RGS22: variants seen among roughly 807,000 people sequenced by gnomAD.
RGS22 encodes the protein regulator of G protein signaling 22.
A neutral mutation model predicts 172.9 loss-of-function variants in RGS22; 148 were observed. That is an observed-to-expected ratio of 0.86 (90% CI 0.75 to 0.98). RGS22 has a LOEUF of 0.98. RGS22 is among the 50% of genes least tolerant of loss of function. The pLI is 0.00. For synonymous variants in RGS22, 458 were observed against 480.2 expected (o/e 0.95, Z 0.60); for missense variants, 1,347 against 1,440.8 (o/e 0.93, Z 1.05).
At chr8:99,967,937 C>A (rs189058915) in intron 23 of RGS22, among the ~76,000 whole-genome samples, 134 of 152,334 alleles carry the variant, frequency 8.8e-4, no homozygotes, top group Admixed American at 1.6e-3. Flanking sequence ...TTCCTGACTG[C>A]AGACACCTCC....
chr8:99,994,090 A>C (rs1180819533), intron 20 of RGS22, among the ~76,000 whole-genome samples: 3 of 152,182 alleles, frequency 2.0e-5, no homozygotes, highest in East Asian at 1.9e-4. Flanking sequence ...ACTCTCAATA[A>C]ACTAGGTATT....
At chr8:100,046,384 CATGACT>C (rs1247230288) in intron 11 of RGS22, 1 of 151,838 alleles carries the variant, frequency 6.6e-6, no homozygotes, top group African/African-American at 2.4e-5. Context: ...TCTGTCAACT[CATGACT>C]ATATGTCTTT....
chr8:100,086,994 T>C (rs867377540), intron 3 of RGS22, among the ~76,000 whole-genome samples: 2 of 152,276 alleles, frequency 1.3e-5, no homozygotes, highest in Middle Eastern at 3.4e-3. Flanking sequence ...CAGCCGTCTG[T>C]GTTTGATACC....
chr8:100,079,871 C>T (rs1563709948), intron 4 of RGS22, among the ~76,000 whole-genome samples: 2 of 152,204 alleles, frequency 1.3e-5, no homozygotes, highest in East Asian at 3.9e-4. Flanking sequence ...ATAAAGGACA[C>T]TTATATTTAT....
chr8:100,059,556 T>C (rs1240559142), intron 9 of RGS22, among the ~76,000 whole-genome samples: 1 of 151,914 alleles, frequency 6.6e-6, no homozygotes, highest in Non-Finnish European at 1.5e-5. Flanking sequence ...GGTCACTATA[T>C]AATGATAAAG....
At chr8:100,057,913 T>C (rs1030567117) in intron 9 of RGS22, among the ~76,000 whole-genome samples, 1 of 152,138 alleles carries the variant, frequency 6.6e-6, no homozygotes, top group African/African-American at 2.4e-5. Context: ...ATATGTGACC[T>C]TTCAGACAGA....
chr8:100,066,146 T>C, intron 7 of RGS22, 21 bp downstream of exon 7: 1 of 1,608,676 alleles, frequency 6.2e-7, no homozygotes, highest in Non-Finnish European at 8.5e-7. Context: ...TCTGAAGTCA[T>C]TCTTGTCCTT....
chr8:100,040,460 C>A (rs1819982161), intron 12 of RGS22, among the ~76,000 whole-genome samples: 1 of 151,942 alleles, frequency 6.6e-6, no homozygotes, highest in Admixed American at 6.6e-5. Flanking sequence ...CCTTGAAGTG[C>A]TGCTATTATA....
intron 11 of RGS22, among the ~76,000 whole-genome samples, chr8:100,042,494 G>A (rs1531371): frequency 2.0e-5 from 3 of 152,200 alleles, no homozygotes; most frequent in African/African-American, 7.2e-5. Flanking sequence ...ACAGAGGTGA[G>A]ATTCATAGGG....
intron 10 of RGS22, among the ~76,000 whole-genome samples, chr8:100,051,928 T>C (rs1471100588): frequency 1.1e-4 from 5 of 47,162 alleles, no homozygotes; most frequent in Non-Finnish European, 1.7e-4. Context: ...TATAAATGTT[T>C]ATATATATTT....
chr8:100,008,738 C>T (rs532922643), intron 14 of RGS22, among the ~76,000 whole-genome samples, 169 bp from the exon 15 acceptor site: 3 of 152,196 alleles, frequency 2.0e-5, no homozygotes, highest in South Asian at 2.1e-4. Flanking sequence ...TGCATCTATT[C>T]GAAAGACTTT....
intron 14 of RGS22, chr8:100,038,495 C>T (rs1819741955): frequency 6.5e-6 from 1 of 153,862 alleles, no homozygotes; most frequent in Admixed American, 6.5e-5. Context: ...CCTGCTTATA[C>T]CAAGTCAACA....
At chr8:100,031,535 T>G (rs961674470) in intron 14 of RGS22, among the ~76,000 whole-genome samples, 2 of 152,116 alleles carry the variant, frequency 1.3e-5, no homozygotes, top group Non-Finnish European at 2.9e-5. Flanking sequence ...GACTCTAAGT[T>G]TTTTCCTCCT....
At chr8:100,038,724 A>G in intron 14 of RGS22, 1 of 386,222 alleles carries the variant, frequency 2.6e-6, no homozygotes, top group Non-Finnish European at 4.6e-6. Context: ...AAATAAAGCA[A>G]ACCAAATAAA....
intron 10 of RGS22, chr8:100,050,864 T>C (rs1478511097): frequency 6.6e-6 from 1 of 152,214 alleles, no homozygotes; most frequent in Admixed American, 6.5e-5. Flanking sequence ...GCAACTATTA[T>C]GTGCCAGGCA....
chr8:100,041,096 G>C (rs1307287654), intron 12 of RGS22, among the ~76,000 whole-genome samples: 1 of 152,164 alleles, frequency 6.6e-6, no homozygotes, highest in Non-Finnish European at 1.5e-5. Context: ...TCTACCTAAA[G>C]TATAATCCTT....
chr8:99,969,398 C>T (rs1374141457), intron 23 of RGS22, among the ~76,000 whole-genome samples: 1 of 152,084 alleles, frequency 6.6e-6, no homozygotes, highest in Non-Finnish European at 1.5e-5. Flanking sequence ...ACAATATTAA[C>T]CTTATGTAAA....
intron 2 of RGS22, among the ~76,000 whole-genome samples, chr8:100,096,759 T>C (rs1160361386): frequency 6.6e-6 from 1 of 150,952 alleles, no homozygotes; most frequent in Non-Finnish European, 1.5e-5. Context: ...TCCTCCCACC[T>C]AGACCTCCCG....
At chr8:99,994,489 A>C (rs1174492137) in intron 20 of RGS22, among the ~76,000 whole-genome samples, 2 of 152,212 alleles carry the variant, frequency 1.3e-5, no homozygotes, top group Non-Finnish European at 2.9e-5. Flanking sequence ...CAGAGCACCA[A>C]ATCGTGAGTG....
Sources: allele counts gnomAD v4.1 joint callset (sites outside exome capture counted in the v4.1 genomes callset), GRCh38; gene constraint gnomAD v4.1.1; transcripts MANE v1.5; gene names NCBI Gene and HGNC (gene_info 2026-07-23, HGNC 2026-07-21).